Variants in CANX observed in about 807,000 individuals in gnomAD.
The protein encoded by CANX is calnexin.
A neutral mutation model predicts 75.7 loss-of-function variants in CANX; 14 were observed. That is an observed-to-expected ratio of 0.19 (90% CI 0.12 to 0.29). CANX has a LOEUF of 0.29. Ranked by LOEUF, CANX falls within the 10% of genes least tolerant of loss-of-function variation. The probability of loss-of-function intolerance (pLI) is 1.00; values close to 1 mark genes in which losing one functional copy is unlikely to be tolerated. For missense variants in CANX, 567 were observed against 713.2 expected (o/e 0.79, Z 2.34); for synonymous variants, 227 against 236.9 (o/e 0.96, Z 0.38).
chr5:179,682,777 A>T (rs910080296), intron 1 of CANX, among the ~76,000 whole-genome samples: 10 of 151,890 alleles, frequency 6.6e-5, no homozygotes, highest in African/African-American at 2.2e-4. Flanking sequence ...GGAAATACAG[A>T]AAGTGATTTT....
intron 7 of CANX, among the ~76,000 whole-genome samples, chr5:179,713,451 ACACTT>A (rs1777717353): frequency 4.6e-5 from 7 of 152,254 alleles, no homozygotes; most frequent in Admixed American, 3.9e-4. Context: ...CAAAAAGAAA[ACACTT>A]AAAGCGAGGG....
At chr5:179,717,688 G>T (rs910690000) in intron 8 of CANX, among the ~76,000 whole-genome samples, 2 of 151,310 alleles carry the variant, frequency 1.3e-5, no homozygotes, top group African/African-American at 4.8e-5. Context: ...TTCATGTACT[G>T]GTTTTTACAT....
chr5:179,704,450 C>T (rs1234156545), intron 1 of CANX: 1 of 151,988 alleles, frequency 6.6e-6, no homozygotes, highest in Non-Finnish European at 1.5e-5. Flanking sequence ...TCACTTGAAC[C>T]CAGGAGGCGG....
At chr5:179,728,198 T>C (rs1309684616) in intron 14 of CANX, among the ~76,000 whole-genome samples, 2 of 152,226 alleles carry the variant, frequency 1.3e-5, no homozygotes, top group Non-Finnish European at 1.5e-5. Flanking sequence ...AGCAGCAGCC[T>C]TGGAGTCAGT....
rs544621306 is a variant in CANX, at chr5:179,693,165, A to G, written c.-3-12514A>G. On this transcript the variant is annotated intron_variant, in intron 1 of 14. Coordinates refer to the CANX transcript ENST00000681674. ...CGTCTCAAAAAAAAAAAAAAAAAAG[A>G]CAAACCCTATAGTGGAAAAATGGAC... Among the ~76,000 whole-genome samples, 301 of 140,974 alleles carry G rather than the reference A, an allele frequency of 2.1e-3. 2 individuals are homozygous for G. The highest frequency in any genetic ancestry group is 7.4e-3 in the African/African-American group (291 of 39,528). 92.5% of individuals were successfully genotyped at this position (140,974 alleles called of 152,430 possible).
In CANX at chr5:179,731,421, A is replaced by G. The variant is rs1778984465; in HGVS notation, c.*2777A>G. On this transcript the variant is annotated 3_prime_UTR_variant, in exon 15 of 15. Coordinates refer to ENST00000247461, the MANE Select transcript of CANX (RefSeq NM_001746.4). ...TACACAGAATGTAGTGCTCCTAGTTACTATTTTTTCTATTAAGAAATAGTT... is the reference window on the plus strand; with the variant it reads ...TACACAGAATGTAGTGCTCCTAGTTGCTATTTTTTCTATTAAGAAATAGTT... 6.6e-6 allele frequency among the ~76,000 whole-genome samples: 1 copy of G among 152,030 alleles called. No individual in the cohort carries two copies. Among genetic ancestry groups the G allele is most frequent in the African/African-American group, 2.4e-5 (1 of 41,402 alleles).
chr5:179,706,853 C>A (rs925869031), intron 3 of CANX, among the ~76,000 whole-genome samples: 1 of 152,192 alleles, frequency 6.6e-6, no homozygotes, highest in South Asian at 2.1e-4. Context: ...TTCCCTCCCC[C>A]ACTCTACCCT....
intron 7 of CANX, among the ~76,000 whole-genome samples, chr5:179,710,582 C>T (rs1777476989): frequency 1.3e-5 from 2 of 149,130 alleles, no homozygotes; most frequent in Admixed American, 1.4e-4. Flanking sequence ...GTGGTGGGCA[C>T]CTGTAGTCGC....
chr5:179,714,562 G>C (rs1777799012), intron 7 of CANX, among the ~76,000 whole-genome samples: 1 of 150,192 alleles, frequency 6.7e-6, no homozygotes, highest in African/African-American at 2.5e-5. Flanking sequence ...CTGTCTCCCA[G>C]ACTGGAGTGC....
chr5:179,720,646 G>A, intron 10 of CANX, 86 bp downstream of exon 10: 1 of 1,205,172 alleles, frequency 8.3e-7, no homozygotes, highest in South Asian at 1.3e-5. Flanking sequence ...CTGCCAGGTT[G>A]GTCATTATAT....
chr5:179,720,998 G>T (rs1028973939), intron 10 of CANX, among the ~76,000 whole-genome samples: 1 of 152,056 alleles, frequency 6.6e-6, no homozygotes, highest in Non-Finnish European at 1.5e-5. Context: ...TGGCCAGGCT[G>T]GTCTCGAACT....
intron 1 of CANX, chr5:179,678,937 C>T (rs1222957344): frequency 1.3e-6 from 2 of 1,535,324 alleles, no homozygotes; most frequent in Non-Finnish European, 1.7e-6. Flanking sequence ...TGCTGAGGCG[C>T]ATGCACGGCG....
At position 179,686,143 on chromosome 5, in the gene CANX, G is replaced by A. The variant is rs1423060733; in HGVS notation, c.-4+7366G>A. ...AGACGGAGTCTCGCTCTGTCACCAGGCTGGAGTGCAATGGCTCAATCTTGG... is the reference window on the plus strand; with the variant it reads ...AGACGGAGTCTCGCTCTGTCACCAGACTGGAGTGCAATGGCTCAATCTTGG... On this transcript the variant is annotated intron_variant, in intron 1 of 14. Coordinates refer to the CANX transcript ENST00000681674. Among the ~76,000 whole-genome samples, 3 of 134,150 alleles carry A rather than the reference G, an allele frequency of 2.2e-5. 1 individual carries two copies. The highest frequency in any genetic ancestry group is 4.6e-5 in the Non-Finnish European group (3 of 65,014). The allele number at this position is 134,150 out of a possible 152,430, so 88.0% of individuals were successfully genotyped here.
chr5:179,715,978 T>G, intron 7 of CANX, 127 bp from the exon 8 acceptor site: 1 of 746,434 alleles, frequency 1.3e-6, no homozygotes, highest in Non-Finnish European at 2.4e-6. Flanking sequence ...GAGCCAGGCA[T>G]TGTTCTTACC....
At chr5:179,717,908 G>A (rs546870418) in intron 8 of CANX, among the ~76,000 whole-genome samples, 1 of 151,972 alleles carries the variant, frequency 6.6e-6, no homozygotes, top group South Asian at 2.1e-4. Flanking sequence ...TAGACACGGG[G>A]TTTTACCATG....
At chr5:179,679,345 G>T in intron 1 of CANX, 1 of 1,219,128 alleles carries the variant, frequency 8.2e-7, no homozygotes, top group Non-Finnish European at 1.1e-6. Context: ...ACATGTCTTA[G>T]CCCTGCAGCT....
intron 7 of CANX, among the ~76,000 whole-genome samples, chr5:179,713,278 C>T (rs1349785057): frequency 6.6e-6 from 1 of 152,074 alleles, no homozygotes; most frequent in Non-Finnish European, 1.5e-5. Flanking sequence ...GCCTTGTTGG[C>T]CAGGCTGATC....
rs187810510 is a variant in CANX at position 179,688,642 on chromosome 5, C to T, written c.-4+9865C>T. On this transcript the variant is annotated intron_variant, in intron 1 of 14. Transcript: ENST00000681674. ...CCTCCCAAAGTGCTGGGATAACAGG[C>T]GTGAGCCACTGCGCCCGGCCGCCTA... 4.3e-4 allele frequency among the ~76,000 whole-genome samples: 65 copies of T among 151,180 alleles called. No individual in the cohort carries two copies. The East Asian group carries it at 0.011, about 25-fold the overall frequency.
Position 179,711,645 on chromosome 5 carries a change from C to T in CANX, c.721+1580C>T, listed in dbSNP as rs542851348. Among the ~76,000 whole-genome samples, 8 of 149,006 alleles carry T rather than the reference C, an allele frequency of 5.4e-5. No homozygotes were observed. The South Asian group carries it at 6.4e-4, about 12-fold the overall frequency. On this transcript the variant is annotated intron_variant, in intron 7 of 14. Transcript: ENST00000247461. ...CTCTACTAAAAATACAAAAATTAGC[C>T]GGGCATGGTGGAGGGTGCCTGTAAT...
Sources: allele counts gnomAD v4.1 joint callset (sites outside exome capture counted in the v4.1 genomes callset), GRCh38; gene constraint gnomAD v4.1.1; transcripts MANE v1.5; gene names NCBI Gene and HGNC (gene_info 2026-07-23, HGNC 2026-07-21).